Variants in ECHDC1 observed in about 807,000 individuals in gnomAD.
The protein encoded by ECHDC1 is ethylmalonyl-CoA decarboxylase 1.
A neutral mutation model predicts 29.7 loss-of-function variants in ECHDC1; 29 were observed. The observed-to-expected ratio is 0.98, with a 90% CI of 0.73 to 1.33. ECHDC1 has a LOEUF of 1.33. Among genes scored for constraint, ECHDC1 ranks in the 40% most tolerant of loss-of-function variants. The probability of loss-of-function intolerance (pLI) is 0.00; values close to 1 mark genes in which losing one functional copy is unlikely to be tolerated. For synonymous variants in ECHDC1, 126 were observed against 123.1 expected, an observed-to-expected ratio of 1.02 and a Z score of -0.15; for missense variants, 328 against 350.0, an observed-to-expected ratio of 0.94 and a Z score of 0.50.
In ECHDC1 at chr6:127,290,118, G is replaced by T. The variant is rs766833808; in HGVS notation, c.657C>A (p.Asn219Lys). 1.2e-6 allele frequency: 2 copies of T among 1,613,654 alleles called. No individual in the cohort carries two copies. The highest frequency in any genetic ancestry group is 1.7e-5 in the Admixed American group (1 of 59,940). The part of the protein sequence containing the change: ...ALKLDSKNAL[N>K]IGMVEEVLQS... ...GCAAGACCTCTTCAACCATTCCTATGTTTAGAGCATTTTTTGAATCCAGTT... is the reference window on the plus strand; with the variant it reads ...GCAAGACCTCTTCAACCATTCCTATTTTTAGAGCATTTTTTGAATCCAGTT... Residue 219 changes from asparagine (N) to lysine (K), a missense_variant, in exon 6 of 6, where the codon AAC becomes AAA. Transcript: ENST00000454859.
chr6:127,295,459 A>G (rs145957107), intron 5 of ECHDC1, among the ~76,000 whole-genome samples: 254 of 152,348 alleles, frequency 1.7e-3, no homozygotes, highest in African/African-American at 5.9e-3. Context: ...AAACAGCTCA[A>G]TATCCCAAAG....
At chr6:127,291,311 C>T (rs1237249858) in intron 5 of ECHDC1, among the ~76,000 whole-genome samples, 3 of 133,446 alleles carry the variant, frequency 2.2e-5, no homozygotes, top group African/African-American at 8.4e-5. Context: ...ACTGGCAATA[C>T]AGCTATTGCA....
At chr6:127,335,490 T>A (rs1583014247) in intron 1 of ECHDC1, among the ~76,000 whole-genome samples, 1 of 152,116 alleles carries the variant, frequency 6.6e-6, no homozygotes, top group South Asian at 2.1e-4. Context: ...AACTTGATGT[T>A]ATTTTTCCAA....
At chr6:127,299,448 A>T (rs1780882648) in intron 5 of ECHDC1, among the ~76,000 whole-genome samples, 1 of 133,908 alleles carries the variant, frequency 7.5e-6, no homozygotes, top group South Asian at 2.5e-4. Flanking sequence ...AGCTTTTAAT[A>T]AAAAAAAAAA....
intron 4 of ECHDC1, chr6:127,315,749 T>C: frequency 5.6e-6 from 2 of 355,988 alleles, no homozygotes; most frequent in Non-Finnish European, 1.1e-5. Context: ...AGTAATGTTA[T>C]GATTCTATTA....
At chr6:127,341,394 T>C (rs1413800425) in intron 1 of ECHDC1, among the ~76,000 whole-genome samples, 6 of 152,236 alleles carry the variant, frequency 3.9e-5, no homozygotes, top group Non-Finnish European at 7.3e-5. Flanking sequence ...TAACCTACTA[T>C]AGTATCTAAT....
intron 5 of ECHDC1, among the ~76,000 whole-genome samples, chr6:127,312,698 A>C (rs1237652466): frequency 6.6e-6 from 1 of 152,244 alleles, no homozygotes; most frequent in Non-Finnish European, 1.5e-5. Flanking sequence ...CCATTAATGT[A>C]TAACACTTAC....
intron 1 of ECHDC1, among the ~76,000 whole-genome samples, chr6:127,339,861 G>A (rs1784768123): frequency 6.6e-6 from 1 of 152,068 alleles, no homozygotes; most frequent in South Asian, 2.1e-4. Flanking sequence ...AGGGGGTGTG[G>A]CTACAAGTGA....
intron 4 of ECHDC1, 73 bp downstream of exon 4, chr6:127,316,377 T>A (rs1382500109): frequency 7.9e-6 from 10 of 1,265,362 alleles, no homozygotes; most frequent in Non-Finnish European, 1.1e-5. Flanking sequence ...TCTTAACTAG[T>A]ACAAATAATG....
intron 2 of ECHDC1, 95 bp from the exon 3 acceptor site, chr6:127,327,239 G>C: frequency 2.0e-5 from 27 of 1,336,794 alleles, no homozygotes; most frequent in Non-Finnish European, 2.5e-5. Context: ...ATACTCTTAG[G>C]TCCTATATTT....
intron 2 of ECHDC1, 53 bp from the exon 3 acceptor site, chr6:127,327,197 CAG>C (rs1783431954): frequency 5.1e-6 from 8 of 1,576,640 alleles, no homozygotes; most frequent in Non-Finnish European, 6.9e-6. Context: ...ACTGGAAAAA[CAG>C]AAATAATTTA....
chr6:127,341,065 T>C (rs193118906), intron 1 of ECHDC1, among the ~76,000 whole-genome samples: 10 of 152,358 alleles, frequency 6.6e-5, no homozygotes, highest in Admixed American at 2.6e-4. Context: ...GATCCATCAC[T>C]GAAATGCCAA....
At chr6:127,322,659 T>C (rs1188964069) in intron 3 of ECHDC1, among the ~76,000 whole-genome samples, 2 of 151,304 alleles carry the variant, frequency 1.3e-5, no homozygotes, top group East Asian at 1.9e-4. Flanking sequence ...TATATATATA[T>C]ACAATGATGT....
intron 5 of ECHDC1, among the ~76,000 whole-genome samples, chr6:127,291,760 T>C (rs1026057711): frequency 2.0e-5 from 3 of 152,136 alleles, no homozygotes; most frequent in African/African-American, 4.8e-5. Context: ...AACTCAGTCT[T>C]TGACCCGAGA....
chr6:127,328,264 T>C (rs1425129726), intron 2 of ECHDC1, among the ~76,000 whole-genome samples: 7 of 152,216 alleles, frequency 4.6e-5, no homozygotes, highest in Non-Finnish European at 1.0e-4. Context: ...ACATATACCA[T>C]GGTGGTCCCA....
At chr6:127,324,675 A>G (rs1783148794) in intron 3 of ECHDC1, among the ~76,000 whole-genome samples, 1 of 152,194 alleles carries the variant, frequency 6.6e-6, no homozygotes, top group Non-Finnish European at 1.5e-5. Context: ...AGTATCTAAT[A>G]ATACTAGAAA....
At position 127,303,572 on chromosome 6, in the gene ECHDC1, C is replaced by T. The variant is rs79071170; in HGVS notation, c.497+11244G>A. ...AGGAAGCTGCAGAAGAAAAATCTGACGCCAGCAGAGGTTGGTTTATGAGGT... is the reference window on the plus strand; with the variant it reads ...AGGAAGCTGCAGAAGAAAAATCTGATGCCAGCAGAGGTTGGTTTATGAGGT... On this transcript the variant is annotated intron_variant, in intron 5 of 5. Transcript: ENST00000454859. Among the ~76,000 whole-genome samples, 189 of 152,204 alleles carry T rather than the reference C, an allele frequency of 1.2e-3. 1 individual carries two copies. In the East Asian group the frequency reaches 0.024, roughly 19 times the overall value.
At chr6:127,305,568 C>T (rs916103809) in intron 5 of ECHDC1, among the ~76,000 whole-genome samples, 1 of 151,998 alleles carries the variant, frequency 6.6e-6, no homozygotes, top group African/African-American at 2.4e-5. Context: ...AGTAGAAAGA[C>T]CAAATGATGA....
chr6:127,327,198 A>G, intron 2 of ECHDC1, 54 bp from the exon 3 acceptor site: 1 of 1,575,052 alleles, frequency 6.3e-7, no homozygotes, highest in Non-Finnish European at 8.7e-7. Flanking sequence ...CTGGAAAAAC[A>G]GAAATAATTT....
Sources: gnomAD v4.1 joint callset for allele counts (sites outside exome capture counted in the v4.1 genomes callset) on GRCh38, gnomAD v4.1.1 for gene constraint, MANE v1.5 for transcripts, NCBI Gene and HGNC (gene_info 2026-07-23, HGNC 2026-07-21) for gene names.